Variants in CACNA2D3 observed in about 807,000 individuals in gnomAD.
CACNA2D3 encodes voltage-dependent calcium channel subunit alpha-2/delta-3.
Under a neutral mutation model 160.6 loss-of-function variants are expected in CACNA2D3, and 60 were observed. That is an observed-to-expected ratio of 0.37 (90% CI 0.30 to 0.46). The LOEUF (loss-of-function observed/expected upper bound fraction) is 0.46. CACNA2D3 is among the 20% of genes least tolerant of loss of function. The pLI is 1.00. For missense variants in CACNA2D3, 1,205 were observed against 1,365.0 expected (o/e 0.88, Z 1.85); for synonymous variants, 558 against 492.9 (o/e 1.13, Z -1.75).
At chr3:54,844,211 C>T (rs150910436) in intron 16 of CACNA2D3, among the ~76,000 whole-genome samples, 13 of 152,038 alleles carry the variant, frequency 8.6e-5, no homozygotes, top group African/African-American at 3.1e-4. Flanking sequence ...GGAATAGTGT[C>T]GAGGAAGAGG....
rs1704909771 is a variant in CACNA2D3 at position 55,074,502 on chromosome 3, TATTGAAACCA to T, written c.*300_*309del. ...GGCAGTGTCCCTTCTGCTTGAAACC[TATTGAAACCA>T]ATTTAAAACTGTGTACTTTTTAAAT... On this transcript the variant is annotated 3_prime_UTR_variant, in exon 38 of 38. Coordinates refer to ENST00000474759, the MANE Select transcript of CACNA2D3 (RefSeq NM_018398.3). The T allele has an allele frequency of 1.5e-5, 5 of 343,140 alleles. No individual in the cohort carries two copies. In the South Asian group the frequency reaches 2.4e-4, roughly 16 times the overall value. 21.3% of individuals were successfully genotyped at this position (343,140 alleles called of 1,614,324 possible). A position where few individuals can be genotyped will look rare whatever the true frequency, so the allele number is the denominator to read the frequency against.
At chr3:54,764,915 T>C (rs1164194146) in intron 13 of CACNA2D3, among the ~76,000 whole-genome samples, 1 of 152,230 alleles carries the variant, frequency 6.6e-6, no homozygotes, top group African/African-American at 2.4e-5. Flanking sequence ...CAGATTCTGA[T>C]GCTGAATTAG....
At chr3:54,196,228 AT>A (rs1456558548) in intron 2 of CACNA2D3, among the ~76,000 whole-genome samples, 2 of 152,254 alleles carry the variant, frequency 1.3e-5, no homozygotes, top group Admixed American at 1.3e-4. Flanking sequence ...TAGGTTGGAC[AT>A]ACTATTGATT....
intron 3 of CACNA2D3, among the ~76,000 whole-genome samples, chr3:54,337,764 C>T (rs11708620): frequency 0.087 from 13,260 of 152,270 alleles, 643 homozygotes; most frequent in Middle Eastern, 0.14. Flanking sequence ...CATCTTCACC[C>T]TCCTTTCTTC....
intron 17 of CACNA2D3, among the ~76,000 whole-genome samples, chr3:54,854,298 T>C (rs1699121023): frequency 6.6e-6 from 1 of 152,230 alleles, no homozygotes; most frequent in South Asian, 2.1e-4. Context: ...GTGTGCTTTC[T>C]TCCTGACGGA....
At chr3:54,238,265 A>G (rs1380294701) in intron 2 of CACNA2D3, among the ~76,000 whole-genome samples, 1 of 152,076 alleles carries the variant, frequency 6.6e-6, no homozygotes, top group African/African-American at 2.4e-5. Context: ...CTTGGGTTTT[A>G]TTTTAGTCAC....
intron 11 of CACNA2D3, among the ~76,000 whole-genome samples, chr3:54,739,852 T>A (rs1262465433): frequency 1.3e-5 from 2 of 152,022 alleles, no homozygotes; most frequent in Non-Finnish European, 2.9e-5. Flanking sequence ...GTTTTATATA[T>A]GTATAAAGAA....
intron 8 of CACNA2D3, among the ~76,000 whole-genome samples, chr3:54,572,832 C>T (rs75095452): frequency 0.088 from 13,414 of 152,208 alleles, 819 homozygotes; most frequent in South Asian, 0.24. Context: ...TTACTCATTA[C>T]AGAAGTATCA....
At chr3:54,596,729 T>C (rs1442704884) in intron 9 of CACNA2D3, among the ~76,000 whole-genome samples, 2 of 152,154 alleles carry the variant, frequency 1.3e-5, no homozygotes, top group Non-Finnish European at 2.9e-5. Flanking sequence ...GACTTCACCA[T>C]GCACCTTCTT....
chr3:54,430,322 C>A lies in CACNA2D3; in HGVS notation c.381+43548C>A, dbSNP rs76720397. Among the ~76,000 whole-genome samples, 1,235 of 152,262 alleles carry A rather than the reference C, an allele frequency of 8.1e-3. 14 individuals carry two copies. The highest frequency in any genetic ancestry group is 0.028 in the African/African-American group (1,173 of 41,540). ...CAAAAACATTACTGATATGTTCCCT[C>A]CCCTTCAATCAAAGTGTTAAAAATA... On this transcript the variant is annotated intron_variant, in intron 4 of 37. Transcript: ENST00000474759.
intron 4 of CACNA2D3, among the ~76,000 whole-genome samples, chr3:54,440,117 TG>T (rs1700120245): frequency 1.3e-5 from 2 of 152,150 alleles, no homozygotes; most frequent in African/African-American, 4.8e-5. Context: ...TGGGATGCCC[TG>T]ATCTCTCTCC....
intron 34 of CACNA2D3, among the ~76,000 whole-genome samples, chr3:55,012,006 G>C (rs550584341): frequency 6.6e-6 from 1 of 152,166 alleles, no homozygotes; most frequent in Non-Finnish European, 1.5e-5. Flanking sequence ...CTGTCTCTGC[G>C]GCACCAGTGA....
At chr3:54,610,534 A>T in intron 9 of CACNA2D3, among the ~76,000 whole-genome samples, 1 of 151,912 alleles carries the variant, frequency 6.6e-6, no homozygotes, top group Non-Finnish European at 1.5e-5. Flanking sequence ...TTGTTTGAAA[A>T]CTGAAGCATT....
At chr3:54,687,525 A>G in intron 11 of CACNA2D3, among the ~76,000 whole-genome samples, 1 of 152,006 alleles carries the variant, frequency 6.6e-6, no homozygotes, top group Non-Finnish European at 1.5e-5. Flanking sequence ...ATAGAAGGGG[A>G]AACAGGAAAT....
chr3:54,554,135 G>A (rs933765107), intron 5 of CACNA2D3, among the ~76,000 whole-genome samples: 5 of 151,774 alleles, frequency 3.3e-5, no homozygotes, highest in Non-Finnish European at 2.9e-5. Context: ...GGGAGCTGGT[G>A]CCATCTCAGC....
intron 4 of CACNA2D3, among the ~76,000 whole-genome samples, chr3:54,427,493 C>G (rs150508719): frequency 2.5e-4 from 38 of 152,260 alleles, no homozygotes; most frequent in Admixed American, 7.9e-4. Flanking sequence ...ATTACTCGGA[C>G]AAGAGCTGGA....
chr3:54,399,862 A>T (rs1257371365), intron 4 of CACNA2D3, among the ~76,000 whole-genome samples: 1 of 125,154 alleles, frequency 8.0e-6, no homozygotes, highest in Non-Finnish European at 1.7e-5. Context: ...CGAGCTTCCC[A>T]GCAAGCCTGG....
chr3:54,614,392 A>G (rs1698806826), intron 9 of CACNA2D3, among the ~76,000 whole-genome samples: 1 of 152,094 alleles, frequency 6.6e-6, no homozygotes, highest in South Asian at 2.1e-4. Flanking sequence ...TTCCCTCACC[A>G]TGTTTCCTGT....
chr3:54,518,704 A>G (rs1028512627), intron 5 of CACNA2D3, among the ~76,000 whole-genome samples: 2 of 152,230 alleles, frequency 1.3e-5, no homozygotes, highest in Admixed American at 6.5e-5. Context: ...AGGAGATACT[A>G]TGAGAAGTTG....
Sources: allele counts gnomAD v4.1 joint callset (sites outside exome capture counted in the v4.1 genomes callset), GRCh38; gene constraint gnomAD v4.1.1; transcripts MANE v1.5; gene names NCBI Gene and HGNC (gene_info 2026-07-23, HGNC 2026-07-21).